The following HINT3 variants were observed in gnomAD, a reference collection of about 807,000 sequenced individuals.
HINT3 encodes adenosine 5'-monophosphoramidase HINT3.
Under a neutral mutation model 19.1 loss-of-function variants are expected in HINT3, and 16 were observed. The observed-to-expected ratio is 0.84, with a 90% CI of 0.57 to 1.27. The LOEUF (loss-of-function observed/expected upper bound fraction) is 1.27. Among genes scored for constraint, HINT3 ranks in the 50% most tolerant of loss-of-function variants. HINT3 has a pLI of 0.00. For synonymous variants in HINT3, 75 were observed against 84.8 expected, an observed-to-expected ratio of 0.88 and a Z score of 0.63; for missense variants, 197 against 225.8, an observed-to-expected ratio of 0.87 and a Z score of 0.82.
chr6:125,963,684 A>AC (rs1788977246), intron 1 of HINT3, among the ~76,000 whole-genome samples: 1 of 152,204 alleles, frequency 6.6e-6, no homozygotes, highest in Non-Finnish European at 1.5e-5. Context: ...TTATATGTAA[A>AC]GCATAGGTAT....
chr6:125,958,672 C>A (rs1788874404), intron 1 of HINT3, among the ~76,000 whole-genome samples: 2 of 152,160 alleles, frequency 1.3e-5, no homozygotes, highest in Admixed American at 1.3e-4. Flanking sequence ...CAACTGGGGG[C>A]AATTTTGCCC....
At chr6:125,974,273 A>T (rs1009896742) in intron 3 of HINT3, among the ~76,000 whole-genome samples, 17 of 152,242 alleles carry the variant, frequency 1.1e-4, no homozygotes, top group Non-Finnish European at 1.6e-4. Flanking sequence ...TGTATCTTTT[A>T]GGAAGCACAT....
chr6:125,960,383 G>T (rs970695945), intron 1 of HINT3, among the ~76,000 whole-genome samples: 2 of 152,216 alleles, frequency 1.3e-5, no homozygotes, highest in African/African-American at 2.4e-5. Context: ...ATGGAGCCGG[G>T]CGCAGTGGCA....
intron 1 of HINT3, among the ~76,000 whole-genome samples, chr6:125,960,653 T>C (rs1788906579): frequency 1.5e-5 from 1 of 66,202 alleles, no homozygotes; most frequent in Admixed American, 2.4e-4. Flanking sequence ...CAAGACTCTC[T>C]CTGGGGGGGG....
chr6:125,963,186 C>A (rs151127719), intron 1 of HINT3, among the ~76,000 whole-genome samples: 1 of 152,298 alleles, frequency 6.6e-6, no homozygotes, highest in East Asian at 1.9e-4. Flanking sequence ...ACTCCATCTG[C>A]TGGGTCCACG....
Position 125,966,886 on chromosome 6 carries a change from G to T in HINT3, c.202-1G>T. 1.3e-6 allele frequency: 2 copies of T among 1,595,306 alleles called. No homozygotes were observed. Among genetic ancestry groups the T allele is most frequent in the Non-Finnish European group, 8.6e-7 (1 of 1,166,246 alleles). ...TCACTAACAAATGTTTTTTCCTTTAGAATGAGGACCTAATTTGCTTCAAAG... is the reference window on the plus strand; with the variant it reads ...TCACTAACAAATGTTTTTTCCTTTATAATGAGGACCTAATTTGCTTCAAAG... On this transcript the variant is annotated splice_acceptor_variant, in intron 1 of 4. Coordinates refer to ENST00000229633, the MANE Select transcript of HINT3 (RefSeq NM_138571.5). LOFTEE classifies it high-confidence loss of function.
intron 1 of HINT3, among the ~76,000 whole-genome samples, chr6:125,962,414 A>G (rs921969057): frequency 6.6e-6 from 1 of 150,678 alleles, no homozygotes; most frequent in Non-Finnish European, 1.5e-5. Flanking sequence ...ATCTTTTTCA[A>G]ATTGAATCTA....
intron 4 of HINT3, among the ~76,000 whole-genome samples, chr6:125,976,426 A>G (rs1789178975): frequency 6.6e-6 from 1 of 151,382 alleles, no homozygotes; most frequent in Admixed American, 6.6e-5. Context: ...ATAAAAAATT[A>G]AATAATATAT....
chr6:125,975,438 T>C (rs1278827364), intron 4 of HINT3, among the ~76,000 whole-genome samples: 1 of 152,184 alleles, frequency 6.6e-6, no homozygotes, highest in Non-Finnish European at 1.5e-5. Flanking sequence ...TTGCAAATAG[T>C]AAGTGTCAGG....
intron 4 of HINT3, among the ~76,000 whole-genome samples, 182 bp downstream of exon 4, chr6:125,975,155 C>G (rs1789163606): frequency 6.6e-6 from 1 of 152,134 alleles, no homozygotes; most frequent in African/African-American, 2.4e-5. Flanking sequence ...GATCATCAGT[C>G]TGTAGGAAGA....
chr6:125,968,592 G>C (rs1789051513), intron 2 of HINT3, among the ~76,000 whole-genome samples: 1 of 152,182 alleles, frequency 6.6e-6, no homozygotes, highest in Non-Finnish European at 1.5e-5. Context: ...TCTCCAAACT[G>C]CTTTCCACAG....
At chr6:125,958,341 A>C (rs1283852650) in intron 1 of HINT3, among the ~76,000 whole-genome samples, 1 of 152,224 alleles carries the variant, frequency 6.6e-6, no homozygotes, top group Non-Finnish European at 1.5e-5. Context: ...GTTGGAAGTC[A>C]TGTGAAGGAA....
At chr6:125,972,671 C>A (rs1054252781) in intron 3 of HINT3, among the ~76,000 whole-genome samples, 3 of 152,070 alleles carry the variant, frequency 2.0e-5, no homozygotes, top group Non-Finnish European at 4.4e-5. Context: ...CTCATTGCAG[C>A]CTCAACCTCC....
At position 125,956,831 on chromosome 6, in the gene HINT3, T is replaced by C. The variant is rs1788839242; in HGVS notation, c.-147T>C. 2 of 844,922 alleles carry C rather than the reference T, an allele frequency of 2.4e-6. No individual in the cohort carries two copies. The highest frequency in any genetic ancestry group is 2.9e-5 in the Admixed American group (1 of 34,858). 52.3% of individuals were successfully genotyped at this position (844,922 alleles called of 1,614,324 possible). A position where few individuals can be genotyped will look rare whatever the true frequency, so the allele number is the denominator to read the frequency against. ...TTTGAAGTTCCTCACCGCGTCTCCTTCCCTCTCCCCAAAGCCTGGATCACC... is the reference window on the plus strand; with the variant it reads ...TTTGAAGTTCCTCACCGCGTCTCCTCCCCTCTCCCCAAAGCCTGGATCACC... On this transcript the variant is annotated 5_prime_UTR_variant, in exon 1 of 5. Coordinates refer to ENST00000229633, the MANE Select transcript of HINT3 (RefSeq NM_138571.5).
chr6:125,976,970 C>T (rs1001152614), intron 4 of HINT3, among the ~76,000 whole-genome samples: 2 of 152,152 alleles, frequency 1.3e-5, no homozygotes, highest in Non-Finnish European at 2.9e-5. Flanking sequence ...AGTTCCCACG[C>T]ACCCCCTACC....
At chr6:125,958,090 G>A (rs1788867690) in intron 1 of HINT3, among the ~76,000 whole-genome samples, 1 of 151,994 alleles carries the variant, frequency 6.6e-6, no homozygotes, top group South Asian at 2.1e-4. Flanking sequence ...TGTGGGAGGA[G>A]CATCTAACCC....
chr6:125,967,978 T>A (rs948785154), intron 2 of HINT3, among the ~76,000 whole-genome samples: 22 of 152,256 alleles, frequency 1.4e-4, no homozygotes, highest in Non-Finnish European at 1.8e-4. Context: ...GATAATTTTT[T>A]ATTTTAGATT....
chr6:125,976,700 T>C (rs922857788), intron 4 of HINT3, among the ~76,000 whole-genome samples: 4 of 152,088 alleles, frequency 2.6e-5, no homozygotes, highest in Non-Finnish European at 2.9e-5. Context: ...TCTTATAAAA[T>C]ATGTTGTTGG....
Position 125,965,670 on chromosome 6 carries a change from T to C in HINT3, c.202-1217T>C, listed in dbSNP as rs961950665. 8.5e-5 allele frequency among the ~76,000 whole-genome samples: 13 copies of C among 152,210 alleles called. No individual in the cohort carries two copies. In the South Asian group the frequency reaches 2.7e-3, roughly 32 times the overall value. Reference sequence around the variant, plus strand: ...GGGAGGCTGAGGTGGGAGGATCAACTGAGCTCAGGAGATCGAGGCTGCAGT... The same window carrying C: ...GGGAGGCTGAGGTGGGAGGATCAACCGAGCTCAGGAGATCGAGGCTGCAGT... On this transcript the variant is annotated intron_variant, in intron 1 of 4. Coordinates refer to ENST00000229633, the MANE Select transcript of HINT3 (RefSeq NM_138571.5).
Sources: allele counts gnomAD v4.1 joint callset (sites outside exome capture counted in the v4.1 genomes callset), GRCh38; gene constraint gnomAD v4.1.1; transcripts MANE v1.5; gene names NCBI Gene and HGNC (gene_info 2026-07-23, HGNC 2026-07-21).